Variants in REDIC1 observed in about 807,000 individuals in gnomAD.
REDIC1 encodes HEI10 Interacting Protein 1.
the REDIC1 span, among the ~76,000 whole-genome samples, chr12:39,657,001 T>A: frequency 6.6e-6 from 1 of 152,158 alleles, no homozygotes; most frequent in African/African-American, 2.4e-5. Flanking sequence ...GAAAGAAATT[T>A]TTAAAAATAA....
At chr12:39,708,621 AAGTTTTAAAAATACTTCTTTTCCCTAGGT>A in the REDIC1 span, among the ~76,000 whole-genome samples, 1 of 151,810 alleles carries the variant, frequency 6.6e-6, no homozygotes, top group Admixed American at 6.6e-5. Flanking sequence ...CTATCAGTCC[AAGTTTTAAAAATACTTCTTTTCCCTAGGT>A]ATTTGTGATA....
At chr12:39,906,303 T>C in the REDIC1 span, among the ~76,000 whole-genome samples, 2 of 152,158 alleles carry the variant, frequency 1.3e-5, no homozygotes, top group Admixed American at 6.6e-5. Context: ...TGTGAATAAC[T>C]AGACAAGCTT....
the REDIC1 span, among the ~76,000 whole-genome samples, chr12:39,832,847 A>T: frequency 5.3e-5 from 8 of 152,054 alleles, no homozygotes; most frequent in African/African-American, 1.7e-4. Flanking sequence ...GAATGCAAAC[A>T]TTTGCCTTAT....
At chr12:39,818,276 GA>G in the REDIC1 span, among the ~76,000 whole-genome samples, 244 of 148,718 alleles carry the variant, frequency 1.6e-3, 1 homozygote, top group African/African-American at 5.4e-3. Flanking sequence ...GAAGTCACAG[GA>G]AAAAAAAAAT....
the REDIC1 span, among the ~76,000 whole-genome samples, chr12:39,882,896 C>T: frequency 1.3e-5 from 2 of 152,112 alleles, no homozygotes; most frequent in Non-Finnish European, 2.9e-5. Context: ...CATCATATTT[C>T]TATTTCTATC....
the REDIC1 span, among the ~76,000 whole-genome samples, chr12:39,903,610 T>C: frequency 2.0e-5 from 3 of 152,058 alleles, no homozygotes; most frequent in Non-Finnish European, 4.4e-5. Context: ...TTTTCAACTC[T>C]GGCTTTTCCC....
At chr12:39,815,782 GA>G in the REDIC1 span, among the ~76,000 whole-genome samples, 1 of 152,152 alleles carries the variant, frequency 6.6e-6, no homozygotes, top group Non-Finnish European at 1.5e-5. Flanking sequence ...TCCCAGTCTG[GA>G]AAAAACAAAT....
At chr12:39,776,958 A>T in the REDIC1 span, among the ~76,000 whole-genome samples, 1 of 152,122 alleles carries the variant, frequency 6.6e-6, no homozygotes, top group East Asian at 1.9e-4. Flanking sequence ...TCAATTTTTT[A>T]TAGACATGGC....
chr12:39,747,867 A>T, the REDIC1 span, among the ~76,000 whole-genome samples: 1 of 152,186 alleles, frequency 6.6e-6, no homozygotes, highest in Non-Finnish European at 1.5e-5. Flanking sequence ...CTTTACAGAC[A>T]AGCAAATGCT....
the REDIC1 span, among the ~76,000 whole-genome samples, chr12:39,741,674 A>G: frequency 6.6e-6 from 1 of 152,240 alleles, no homozygotes; most frequent in African/African-American, 2.4e-5. Context: ...ACAGGTAAAG[A>G]CATAAATCAA....
the REDIC1 span, among the ~76,000 whole-genome samples, chr12:39,896,119 TAC>T: frequency 6.7e-6 from 1 of 149,262 alleles, no homozygotes. Flanking sequence ...TATGAATGCA[TAC>T]ATATATGTAT....
the REDIC1 span, among the ~76,000 whole-genome samples, chr12:39,686,122 G>C: frequency 6.6e-6 from 1 of 152,150 alleles, no homozygotes; most frequent in African/African-American, 2.4e-5. Context: ...GCAAGCTGTT[G>C]GTGTATCTAC....
chr12:39,865,818 C>G, the REDIC1 span, among the ~76,000 whole-genome samples: 1,165 of 152,240 alleles, frequency 7.7e-3, 23 homozygotes, highest in African/African-American at 0.027. Context: ...AAAGTTGGAG[C>G]TGCATGATAA....
chr12:39,903,449 C>A, the REDIC1 span, among the ~76,000 whole-genome samples: 2 of 152,178 alleles, frequency 1.3e-5, no homozygotes, highest in East Asian at 3.9e-4. Flanking sequence ...ATTCTGGCCC[C>A]CCAGTATCTC....
At chr12:39,878,207 C>T in the REDIC1 span, among the ~76,000 whole-genome samples, 2 of 152,146 alleles carry the variant, frequency 1.3e-5, no homozygotes, top group East Asian at 1.9e-4. Flanking sequence ...CAAGAACAGC[C>T]TAATACAGAA....
the REDIC1 span, among the ~76,000 whole-genome samples, chr12:39,885,853 C>T: frequency 6.6e-6 from 1 of 152,196 alleles, no homozygotes; most frequent in African/African-American, 2.4e-5. Context: ...CCTCCTCCTA[C>T]CCAGGATTCT....
chr12:39,627,264 A>C, the REDIC1 span, among the ~76,000 whole-genome samples: 1 of 152,188 alleles, frequency 6.6e-6, no homozygotes, highest in Non-Finnish European at 1.5e-5. Flanking sequence ...TGTATTTTAG[A>C]AATTTACCTG....
At chr12:39,694,837 C>A in the REDIC1 span, among the ~76,000 whole-genome samples, 2 of 152,128 alleles carry the variant, frequency 1.3e-5, no homozygotes, top group Non-Finnish European at 2.9e-5. Flanking sequence ...CCAAAATAGA[C>A]CCCTTCCCTC....
the REDIC1 span, among the ~76,000 whole-genome samples, chr12:39,767,556 C>A: frequency 6.6e-6 from 1 of 152,056 alleles, no homozygotes; most frequent in Non-Finnish European, 1.5e-5. Flanking sequence ...ACATTGACTT[C>A]TCCTCTCTAG....
Sources: allele counts gnomAD v4.1 joint callset (sites outside exome capture counted in the v4.1 genomes callset), GRCh38; gene constraint gnomAD v4.1.1; transcripts MANE v1.5; gene names NCBI Gene and HGNC (gene_info 2026-07-23, HGNC 2026-07-21).